Variants in TMEFF2 observed in about 807,000 individuals in gnomAD.
TMEFF2 encodes the protein transmembrane protein with EGF like and two follistatin like domains 2.
A neutral mutation model predicts 53.8 loss-of-function variants in TMEFF2; 28 were observed. The observed-to-expected ratio is 0.52, with a 90% CI of 0.39 to 0.71. The LOEUF is 0.71. TMEFF2 is among the 30% of genes least tolerant of loss of function. The pLI is 0.00. For missense variants in TMEFF2, 353 were observed against 455.2 expected (o/e 0.78, Z 2.04); for synonymous variants, 162 against 166.3 (o/e 0.97, Z 0.20).
chr2:192,148,575 G>GA lies in TMEFF2; in HGVS notation c.439+31092_439+31093insT, dbSNP rs553951548. 4.8e-3 allele frequency among the ~76,000 whole-genome samples: 731 copies of GA among 152,130 alleles called. 12 individuals carry two copies. The highest frequency in any genetic ancestry group is 5.7e-3 in the Non-Finnish European group (387 of 67,970). On this transcript the variant is annotated intron_variant, in intron 4 of 9. Coordinates refer to ENST00000272771, the MANE Select transcript of TMEFF2 (RefSeq NM_016192.4). ...TGTGATATGTCATTGACTATCAGAA[G>GA]GCCCTTAAACTGTTTACTCTTCGTT...
At chr2:192,075,332 T>TGTAC (rs1553518847) in intron 4 of TMEFF2, among the ~76,000 whole-genome samples, 9 of 88,144 alleles carry the variant, frequency 1.0e-4, no homozygotes, top group African/African-American at 3.7e-4. Flanking sequence ...TATATATATA[T>TGTAC]ACATACATAC....
chr2:192,001,388 AT>A (rs1686355166), intron 5 of TMEFF2, among the ~76,000 whole-genome samples: 1 of 151,992 alleles, frequency 6.6e-6, no homozygotes, highest in African/African-American at 2.4e-5. Flanking sequence ...GTTTTTGTAA[AT>A]GTTTTGTAAA....
At chr2:192,171,349 T>G (rs992533683) in intron 4 of TMEFF2, among the ~76,000 whole-genome samples, 1 of 152,002 alleles carries the variant, frequency 6.6e-6, no homozygotes, top group African/African-American at 2.4e-5. Context: ...CTTTATCTTT[T>G]TTTTCCTTTT....
chr2:191,976,210 T>C (rs557842549), intron 7 of TMEFF2, among the ~76,000 whole-genome samples: 3 of 152,302 alleles, frequency 2.0e-5, no homozygotes. Context: ...TCAAGTCAAA[T>C]ACTCCTCTGT....
chr2:192,160,431 G>A (rs1275633387), intron 4 of TMEFF2, among the ~76,000 whole-genome samples: 3 of 151,910 alleles, frequency 2.0e-5, no homozygotes, highest in African/African-American at 7.3e-5. Context: ...TTGGCTTCTG[G>A]CACAACTCTG....
Position 191,953,796 on chromosome 2 carries a change from T to A in TMEFF2, c.911A>T (p.Asp304Val), listed in dbSNP as rs1691964403. Residue 304 changes from aspartate (D) to valine (V), a missense_variant, in exon 9 of 10, where the codon GAC becomes GTC. This residue lies in a region of TMEFF2 where 294 missense variants were observed against 397.3 expected (regional missense o/e 0.74). Transcript: ENST00000272771. ...GYTGQHCEKK[D>V]YSVLYVVPGP... ...GGGAACAACGTATAGAACACTGTAGTCCTTTTTTTCACAGTGTTGTCCAGT... is the reference window on the plus strand; with the variant it reads ...GGGAACAACGTATAGAACACTGTAGACCTTTTTTTCACAGTGTTGTCCAGT... 1 of 1,613,298 alleles carries A rather than the reference T, an allele frequency of 6.2e-7. No homozygotes were observed.
At chr2:192,004,495 GA>G (rs1393172337) in intron 5 of TMEFF2, among the ~76,000 whole-genome samples, 1 of 152,130 alleles carries the variant, frequency 6.6e-6, no homozygotes, top group Non-Finnish European at 1.5e-5. Flanking sequence ...AAAGGTGACA[GA>G]AGAGCCAGGT....
chr2:192,183,942 A>G (rs146996595), intron 3 of TMEFF2, among the ~76,000 whole-genome samples: 6 of 152,226 alleles, frequency 3.9e-5, no homozygotes, highest in African/African-American at 1.2e-4. Context: ...CAGAGCCCAA[A>G]CCTGCAAGAT....
intron 7 of TMEFF2, among the ~76,000 whole-genome samples, chr2:191,957,700 T>G (rs1692149147): frequency 6.6e-6 from 1 of 152,188 alleles, no homozygotes; most frequent in Non-Finnish European, 1.5e-5. Context: ...TATGCATCAT[T>G]ATGATGGGCA....
chr2:192,005,938 A>G (rs1337033461), intron 5 of TMEFF2, among the ~76,000 whole-genome samples: 1 of 152,190 alleles, frequency 6.6e-6, no homozygotes, highest in Non-Finnish European at 1.5e-5. Context: ...TTGTGAGAGA[A>G]AATGAGGTAA....
intron 7 of TMEFF2, among the ~76,000 whole-genome samples, chr2:191,974,606 T>C (rs191413855): frequency 1.3e-3 from 201 of 152,300 alleles, no homozygotes; most frequent in Non-Finnish European, 1.1e-3. Flanking sequence ...ATCTGGTCTT[T>C]TTACTATGTA....
intron 4 of TMEFF2, among the ~76,000 whole-genome samples, chr2:192,079,805 G>A (rs1237489480): frequency 6.6e-6 from 1 of 152,052 alleles, no homozygotes; most frequent in Admixed American, 6.6e-5. Flanking sequence ...CCAAACATGT[G>A]TATTGCTTGG....
At chr2:192,071,752 A>T (rs572256335) in intron 4 of TMEFF2, among the ~76,000 whole-genome samples, 61 of 152,028 alleles carry the variant, frequency 4.0e-4, no homozygotes, top group Middle Eastern at 3.4e-3. Context: ...CTTATACTGT[A>T]TTTAGGGAAT....
chr2:192,103,565 C>T (rs755044274), intron 4 of TMEFF2, among the ~76,000 whole-genome samples: 1 of 152,006 alleles, frequency 6.6e-6, no homozygotes, highest in Non-Finnish European at 1.5e-5. Context: ...TAGACATTAA[C>T]GAAACCTGAG....
chr2:191,981,871 C>T (rs1488454133), intron 7 of TMEFF2, among the ~76,000 whole-genome samples: 1 of 152,154 alleles, frequency 6.6e-6, no homozygotes, highest in Non-Finnish European at 1.5e-5. Flanking sequence ...CTTCATCTTC[C>T]ACATGAATAG....
intron 4 of TMEFF2, among the ~76,000 whole-genome samples, chr2:192,119,705 T>G (rs796541930): frequency 6.6e-6 from 1 of 152,362 alleles, no homozygotes; most frequent in African/African-American, 2.4e-5. Flanking sequence ...CTGCTTTAAC[T>G]TTGACAGTAC....
chr2:192,087,690 A>G (rs890948331), intron 4 of TMEFF2, among the ~76,000 whole-genome samples: 58 of 152,278 alleles, frequency 3.8e-4, no homozygotes, highest in African/African-American at 1.3e-3. Context: ...AGATTATATT[A>G]TAAACTTTAC....
At chr2:192,024,996 T>C (rs1378169004) in intron 5 of TMEFF2, among the ~76,000 whole-genome samples, 2 of 152,130 alleles carry the variant, frequency 1.3e-5, no homozygotes, top group Admixed American at 1.3e-4. Context: ...AAAGAGGGAA[T>C]GAATGAGGTA....
chr2:191,964,398 C>CTCTT (rs58502767), intron 7 of TMEFF2, among the ~76,000 whole-genome samples: 33 of 51,770 alleles, frequency 6.4e-4, no homozygotes, highest in Middle Eastern at 9.6e-3. Context: ...TTCTTTCTTT[C>CTCTT]TCTTTCTTTC....
Sources: gnomAD v4.1 joint callset for allele counts (sites outside exome capture counted in the v4.1 genomes callset) on GRCh38, gnomAD v4.1.1 for gene constraint, gnomAD v4.1.1 regional missense constraint, MANE v1.5 for transcripts, NCBI Gene and HGNC (gene_info 2026-07-23, HGNC 2026-07-21) for gene names.